The following IFI27L1 variants were observed in gnomAD, a reference collection of about 807,000 sequenced individuals.
IFI27L1 encodes the protein interferon alpha-inducible protein 27-like protein 1.
A neutral mutation model predicts 9.2 loss-of-function variants in IFI27L1; 3 were observed. That is an observed-to-expected ratio of 0.32 (90% CI 0.15 to 0.84). IFI27L1 has a LOEUF of 0.84. Ranked by LOEUF, IFI27L1 falls within the 40% of genes least tolerant of loss-of-function variation. The probability of loss-of-function intolerance (pLI) is 0.56; values close to 1 mark genes in which losing one functional copy is unlikely to be tolerated. For synonymous variants in IFI27L1, 53 were observed against 50.0 expected (o/e 1.06, Z -0.26); for missense variants, 133 against 134.2 (o/e 0.99, Z 0.05).
chr14:94,102,409 C>A, intron 4 of IFI27L1, 68 bp from the exon 5 acceptor site: 1 of 976,100 alleles, frequency 1.0e-6, no homozygotes, highest in Non-Finnish European at 1.5e-6. Context: ...GGGTCTCTGG[C>A]CTTCAACCCC....
At position 94,101,931 on chromosome 14, in the gene IFI27L1, G is replaced by T. The variant is rs745759290; in HGVS notation, c.179G>T (p.Gly60Val). 1.2e-6 allele frequency: 2 copies of T among 1,614,270 alleles called. No homozygotes were observed. The highest frequency in any genetic ancestry group is 1.7e-6 in the Non-Finnish European group (2 of 1,180,048). The change falls in exon 4 of 5, where the codon GGC becomes GTC. Residue 60 changes from glycine to valine, a missense_variant. By Grantham distance (109) the Gly-to-Val change is moderately radical (BLOSUM62 -3). Coordinates refer to ENST00000555523, the MANE Select transcript of IFI27L1 (RefSeq NM_206949.3). ...TCTACAGCAGCCATTGCCAACGGGG[G>T]CGGAGTTGCTGCTGGCAGTCTGGTG... Reference protein sequence around the residue: ...MMSTAAIANGGGVAAGSLVAI... With the variant: ...MMSTAAIANGVGVAAGSLVAI...
At chr14:94,101,547 A>G (rs1366148090) in intron 3 of IFI27L1, among the ~76,000 whole-genome samples, 1 of 152,260 alleles carries the variant, frequency 6.6e-6, no homozygotes, top group East Asian at 1.9e-4. Flanking sequence ...TTTATTTTAC[A>G]TTAGGGGAAC....
intron 1 of IFI27L1, among the ~76,000 whole-genome samples, chr14:94,084,565 C>T (rs1249422352): frequency 6.6e-6 from 1 of 152,072 alleles, no homozygotes; most frequent in Admixed American, 6.5e-5. Flanking sequence ...AAGGACTGAG[C>T]CCTGAACAAA....
chr14:94,093,776 TG>T (rs752990862), intron 1 of IFI27L1, among the ~76,000 whole-genome samples: 4 of 152,242 alleles, frequency 2.6e-5, no homozygotes, highest in Non-Finnish European at 5.9e-5. Flanking sequence ...TGCTTGTTTC[TG>T]TCCTTTTCCC....
At chr14:94,098,719 C>T (rs1886772281) in intron 2 of IFI27L1, among the ~76,000 whole-genome samples, 1 of 152,048 alleles carries the variant, frequency 6.6e-6, no homozygotes, top group Admixed American at 6.6e-5. Flanking sequence ...TTCTTGGGGA[C>T]TGGGTTGGGG....
chr14:94,092,268 C>G (rs7494475), intron 1 of IFI27L1, among the ~76,000 whole-genome samples: 43,946 of 151,714 alleles, frequency 0.29, 6,685 homozygotes, highest in East Asian at 0.5. Context: ...AATCCCAGCA[C>G]TTTGGGAGGC....
At chr14:94,101,997 A>T in intron 4 of IFI27L1, 22 bp downstream of exon 4, 1 of 1,613,566 alleles carries the variant, frequency 6.2e-7, no homozygotes, top group Non-Finnish European at 8.5e-7. Flanking sequence ...GGACAGGATG[A>T]CCAGAGCCAG....
intron 1 of IFI27L1, among the ~76,000 whole-genome samples, chr14:94,096,561 G>T (rs1221277317): frequency 6.6e-6 from 1 of 151,962 alleles, no homozygotes; most frequent in South Asian, 2.1e-4. Context: ...AGGTGTGGTC[G>T]CACGCACCTG....
chr14:94,089,735 A>G (rs972940385), intron 1 of IFI27L1, among the ~76,000 whole-genome samples: 1 of 151,944 alleles, frequency 6.6e-6, no homozygotes, highest in Non-Finnish European at 1.5e-5. Flanking sequence ...TGACATATTT[A>G]CCCCCTCCCT....
At chr14:94,096,364 A>ATT (rs1184293598) in intron 1 of IFI27L1, among the ~76,000 whole-genome samples, 1 of 152,204 alleles carries the variant, frequency 6.6e-6, no homozygotes, top group Non-Finnish European at 1.5e-5. Context: ...ATTGTGAATA[A>ATT]TGCTGCTACG....
chr14:94,102,090 G>C lies in IFI27L1; in HGVS notation c.223+115G>C, dbSNP rs1886923448. 2.7e-6 allele frequency: 3 copies of C among 1,102,374 alleles called. No individual in the cohort carries two copies. The Admixed American group carries it at 5.8e-5, about 21-fold the overall frequency. 68.3% of individuals were successfully genotyped at this position (1,102,374 alleles called of 1,614,324 possible). On this transcript the variant is annotated intron_variant, in intron 4 of 4. Transcript: ENST00000555523. ...TGATCCTCTGCCTCTTGGGCCCTTT[G>C]TCTTTCTGTCACTGTCCCCTCTTCT...
chr14:94,087,414 GTTATTT>G (rs906464128), intron 1 of IFI27L1, among the ~76,000 whole-genome samples: 2 of 152,070 alleles, frequency 1.3e-5, no homozygotes, highest in African/African-American at 4.8e-5. Flanking sequence ...TGTGTTTTTT[GTTATTT>G]TTATTTTTAT....
chr14:94,095,744 G>A (rs1886644250), intron 1 of IFI27L1, among the ~76,000 whole-genome samples: 1 of 152,114 alleles, frequency 6.6e-6, no homozygotes, highest in Admixed American at 6.6e-5. Flanking sequence ...AGGGCACCAA[G>A]CCACCATGAG....
intron 2 of IFI27L1, chr14:94,097,537 T>C: frequency 1.5e-6 from 1 of 679,688 alleles, no homozygotes; most frequent in Middle Eastern, 3.3e-4. Context: ...GATTCCGGGT[T>C]CAGCAGTGAC....
intron 2 of IFI27L1, 73 bp from the exon 3 acceptor site, chr14:94,100,666 G>C: frequency 1.2e-6 from 2 of 1,601,374 alleles, no homozygotes; most frequent in South Asian, 1.1e-5. Context: ...TGAGATGGGG[G>C]TATCAGAGAG....
At chr14:94,085,421 T>C (rs1019213438) in intron 1 of IFI27L1, among the ~76,000 whole-genome samples, 2 of 152,228 alleles carry the variant, frequency 1.3e-5, no homozygotes, top group African/African-American at 4.8e-5. Context: ...CTGCAGTGCC[T>C]GGCACATGGT....
intron 1 of IFI27L1, chr14:94,094,828 C>T (rs1886608503): frequency 6.6e-6 from 1 of 152,008 alleles, no homozygotes; most frequent in Admixed American, 6.6e-5. Context: ...CCTGGTGAAC[C>T]ATGAAAGGAC....
intron 1 of IFI27L1, among the ~76,000 whole-genome samples, chr14:94,091,197 T>C (rs1886462093): frequency 6.6e-6 from 1 of 152,196 alleles, no homozygotes; most frequent in Non-Finnish European, 1.5e-5. Flanking sequence ...CTATAGCTGA[T>C]TAAGGGTCAC....
At chr14:94,096,177 C>A (rs930654307) in intron 1 of IFI27L1, among the ~76,000 whole-genome samples, 3 of 152,130 alleles carry the variant, frequency 2.0e-5, no homozygotes, top group African/African-American at 7.2e-5. Flanking sequence ...TAGGGCGAGG[C>A]AGAAGCCAGT....
Sources: gnomAD v4.1 joint callset for allele counts (sites outside exome capture counted in the v4.1 genomes callset) on GRCh38, gnomAD v4.1.1 for gene constraint, MANE v1.5 for transcripts, NCBI Gene and HGNC (gene_info 2026-07-23, HGNC 2026-07-21) for gene names.